MAP3K13: variants seen among roughly 807,000 people sequenced by gnomAD.
MAP3K13 encodes the protein leucine zipper-bearing kinase.
In MAP3K13, 52 loss-of-function variants were observed where a neutral mutation model predicts 104.0. That is an observed-to-expected ratio of 0.50 (90% CI 0.40 to 0.63). MAP3K13 has a LOEUF of 0.63. Among genes scored for constraint, MAP3K13 ranks in the 20% least tolerant of loss-of-function variants. MAP3K13 has a pLI of 0.00. For missense variants in MAP3K13, 914 were observed against 1,218.5 expected (o/e 0.75, Z 3.72); for synonymous variants, 394 against 442.2 (o/e 0.89, Z 1.37).
Position 185,363,154 on chromosome 3 carries a change from A to G in MAP3K13, c.-300A>G, listed in dbSNP as rs1415524357. The G allele has an allele frequency of 1.0e-6, 1 of 984,780 alleles. No individual in the cohort carries two copies. Among genetic ancestry groups the G allele is most frequent in the Non-Finnish European group, 1.2e-6 (1 of 829,812 alleles). The allele number at this position is 984,780 out of a possible 1,614,324, so 61.0% of individuals were successfully genotyped here. On this transcript the variant is annotated 5_prime_UTR_variant, in exon 1 of 14. Coordinates refer to ENST00000265026, the MANE Select transcript of MAP3K13 (RefSeq NM_004721.5). ...TTTTTTCATGACACACACCACAGCG[A>G]AGTCTGTGCGGAATCCTAAACCAGC...
chr3:185,336,280 A>G (rs1577437192), intron 2 of MAP3K13, among the ~76,000 whole-genome samples: 1 of 152,084 alleles, frequency 6.6e-6, no homozygotes, highest in South Asian at 2.1e-4. Flanking sequence ...GGTGGCTCAC[A>G]CCTGTAATCC....
intron 2 of MAP3K13, among the ~76,000 whole-genome samples, chr3:185,308,573 T>G (rs1157175142): frequency 6.6e-6 from 1 of 152,210 alleles, no homozygotes; most frequent in Non-Finnish European, 1.5e-5. Context: ...TTCTGTCGGC[T>G]GTGCTGCAGG....
rs1476609210 is a variant in MAP3K13, at chr3:185,418,239, G to T, written c.-85-10258G>T. 10 of 1,606,998 alleles carry T rather than the reference G, an allele frequency of 6.2e-6. No homozygotes were observed. The Middle Eastern group carries it at 6.3e-4, about 101-fold the overall frequency. On this transcript the variant is annotated intron_variant, in intron 1 of 13. Transcript: ENST00000265026. This position sits in a 1 kb window ranked among gnomAD's most constrained non-coding sequence, Gnocchi z 4.5. ...TTCGCTGAGAGGCATAGACCTTTTC[G>T]ATATCATTCCAGGCTTTAAGTTTCT...
rs1721061218 is a variant in MAP3K13 at position 185,300,373 on chromosome 3, A to C, written c.-86+14730A>C. On this transcript the variant is annotated intron_variant, in intron 2 of 14. Transcript: ENST00000424227. ...AGCTAAGTTTTTGTATTTTTAGTAG[A>C]GATGGGGTTTCACTTGTCTCGAACT... 4.0e-5 allele frequency among the ~76,000 whole-genome samples: 6 copies of C among 151,668 alleles called. No homozygotes were observed. The South Asian group carries it at 1.2e-3, about 32-fold the overall frequency.
chr3:185,299,042 T>C (rs1451805966), intron 2 of MAP3K13, among the ~76,000 whole-genome samples: 1 of 152,266 alleles, frequency 6.6e-6, no homozygotes, highest in African/African-American at 2.4e-5. Context: ...CAGGAAATGC[T>C]GAAAATTTTG....
At chr3:185,364,770 G>T (rs1723792432) in intron 1 of MAP3K13, among the ~76,000 whole-genome samples, 1 of 152,132 alleles carries the variant, frequency 6.6e-6, no homozygotes, top group Admixed American at 6.5e-5. Context: ...TTCTAAATCA[G>T]ATCTTTGTCC....
chr3:185,455,288 T>TATATATGAG (rs1560119016), intron 7 of MAP3K13, among the ~76,000 whole-genome samples: 475 of 7,120 alleles, frequency 0.067, 92 homozygotes, highest in Non-Finnish European at 0.2. Flanking sequence ...ATATATGAGA[T>TATATATGAG]ATATATATGA....
intron 7 of MAP3K13, among the ~76,000 whole-genome samples, chr3:185,458,686 G>A (rs1198002095): frequency 3.3e-5 from 5 of 152,184 alleles, no homozygotes; most frequent in African/African-American, 1.2e-4. Context: ...TGCCTGCTAA[G>A]ATCCTCTCAA....
Position 185,418,220 on chromosome 3 carries a change from G to A in MAP3K13, c.-85-10277G>A, listed in dbSNP as rs1162587410. On this transcript the variant is annotated intron_variant, in intron 1 of 13. Coordinates refer to ENST00000265026, the MANE Select transcript of MAP3K13 (RefSeq NM_004721.5). The surrounding 1 kb of genome is among the most constrained non-coding windows in gnomAD (Gnocchi z 4.5). Reference sequence around the variant, plus strand: ...TTGCCTTTGCCAGCTCTCATTCGCTGAGAGGCATAGACCTTTTCGATATCA... The same window carrying A: ...TTGCCTTTGCCAGCTCTCATTCGCTAAGAGGCATAGACCTTTTCGATATCA... 5 of 1,610,310 alleles carry A rather than the reference G, an allele frequency of 3.1e-6. No homozygotes were observed. Among genetic ancestry groups the A allele is most frequent in the Non-Finnish European group, 4.2e-6 (5 of 1,178,022 alleles).
chr3:185,413,475 G>A (rs771789181), intron 1 of MAP3K13, among the ~76,000 whole-genome samples: 19 of 152,126 alleles, frequency 1.2e-4, no homozygotes, highest in Admixed American at 9.8e-4. Context: ...AAATGACTAC[G>A]TATAACTAGA....
chr3:185,399,475 G>T (rs1035113102), intron 1 of MAP3K13, among the ~76,000 whole-genome samples: 2 of 151,570 alleles, frequency 1.3e-5, no homozygotes, highest in African/African-American at 2.4e-5. Flanking sequence ...GGGCGTGGTG[G>T]CACGTGCCTG....
chr3:185,392,846 C>T (rs919408385), intron 1 of MAP3K13, among the ~76,000 whole-genome samples: 1 of 151,814 alleles, frequency 6.6e-6, no homozygotes, highest in Non-Finnish European at 1.5e-5. Context: ...GTCAGGAGTT[C>T]GAGACCACCC....
At chr3:185,322,027 G>A (rs1721887982) in intron 2 of MAP3K13, among the ~76,000 whole-genome samples, 1 of 152,188 alleles carries the variant, frequency 6.6e-6, no homozygotes, top group Non-Finnish European at 1.5e-5. Flanking sequence ...CCTAGAAATA[G>A]GAAGATGACC....
intron 1 of MAP3K13, among the ~76,000 whole-genome samples, chr3:185,394,482 A>C (rs995539077): frequency 6.6e-6 from 1 of 152,246 alleles, no homozygotes; most frequent in Non-Finnish European, 1.5e-5. Flanking sequence ...TCCAGCAATT[A>C]TATTTAGTAC....
chr3:185,449,259 G>T (rs1445927895), intron 5 of MAP3K13, among the ~76,000 whole-genome samples: 1 of 151,402 alleles, frequency 6.6e-6, no homozygotes, highest in African/African-American at 2.4e-5. Context: ...TGTAATCCCA[G>T]CTACTTGGGA....
chr3:185,284,126 C>G (rs563388958), intron 1 of MAP3K13, among the ~76,000 whole-genome samples: 17 of 152,022 alleles, frequency 1.1e-4, no homozygotes, highest in Admixed American at 4.6e-4. Context: ...GCGTGAACCA[C>G]TACGCGCGGC....
At chr3:185,339,005 GTAA>G (rs1722619656) in intron 2 of MAP3K13, among the ~76,000 whole-genome samples, 1 of 152,136 alleles carries the variant, frequency 6.6e-6, no homozygotes, top group Admixed American at 6.6e-5. Flanking sequence ...TATAATAAGT[GTAA>G]TAAGTTAAAA....
intron 7 of MAP3K13, among the ~76,000 whole-genome samples, chr3:185,455,245 T>A (rs796642668): frequency 1.5e-4 from 2 of 13,316 alleles, no homozygotes; most frequent in East Asian, 5.2e-3. Context: ...GATATATATA[T>A]GATATATATG....
At chr3:185,432,928 G>A (rs901178800) in intron 2 of MAP3K13, among the ~76,000 whole-genome samples, 2 of 152,164 alleles carry the variant, frequency 1.3e-5, no homozygotes, top group African/African-American at 2.4e-5. Context: ...AAAGGGTTTC[G>A]CTAGCCAGAG....
Sources: allele counts gnomAD v4.1 joint callset (sites outside exome capture counted in the v4.1 genomes callset), GRCh38; gene constraint gnomAD v4.1.1; non-coding constraint Gnocchi (gnomAD v3.1); transcripts MANE v1.5; gene names NCBI Gene and HGNC (gene_info 2026-07-23, HGNC 2026-07-21).